PINX1: variants seen among roughly 807,000 people sequenced by gnomAD.
The protein encoded by PINX1 is PIN2 (TERF1) interacting telomerase inhibitor 1, also known as PIN2/TERF1-interacting telomerase inhibitor 1.
Under a neutral mutation model 25.4 loss-of-function variants are expected in PINX1, and 34 were observed. The observed-to-expected ratio is 1.34, with a 90% CI of 1.02 to 1.78. The LOEUF (loss-of-function observed/expected upper bound fraction) is 1.78. Among genes scored for constraint, PINX1 ranks in the 40% most tolerant of loss-of-function variants. The probability of loss-of-function intolerance (pLI) is 0.00; values close to 1 mark genes in which losing one functional copy is unlikely to be tolerated. For synonymous variants in PINX1, 197 were observed against 147.7 expected (o/e 1.33, Z -2.42); for missense variants, 592 against 404.9 (o/e 1.46, Z -3.97).
chr8:10,773,384 A>G (rs959308738), intron 6 of PINX1, among the ~76,000 whole-genome samples: 30 of 152,228 alleles, frequency 2.0e-4, no homozygotes, highest in African/African-American at 6.8e-4. Context: ...TTGAGTAGCA[A>G]AAGCCAGTAA....
intron 6 of PINX1, among the ~76,000 whole-genome samples, chr8:10,767,254 A>G (rs1254759593): frequency 6.6e-6 from 1 of 152,172 alleles, no homozygotes; most frequent in Non-Finnish European, 1.5e-5. Flanking sequence ...CAGACCCTGT[A>G]TTGTCTCGAC....
intron 6 of PINX1, among the ~76,000 whole-genome samples, chr8:10,787,271 G>C (rs1424641226): frequency 6.6e-6 from 1 of 151,904 alleles, no homozygotes; most frequent in Non-Finnish European, 1.5e-5. Context: ...TTTATCACCA[G>C]GCTGGAGAGC....
rs565699706 is a variant in PINX1, at chr8:10,799,743, G to A, written c.471+20450C>T. Among the ~76,000 whole-genome samples, 11 of 152,298 alleles carry A rather than the reference G, an allele frequency of 7.2e-5. No individual in the cohort carries two copies. The East Asian group carries it at 2.1e-3, about 29-fold the overall frequency. On this transcript the variant is annotated intron_variant, in intron 6 of 6. Transcript: ENST00000314787. ...ACGGGACATGACACAGGGCCATTAG[G>A]TAAGAGGAGCCGCTGGCAGGGGATC...
intron 6 of PINX1, among the ~76,000 whole-genome samples, chr8:10,817,115 TG>T (rs754213404): frequency 6.6e-6 from 1 of 152,190 alleles, no homozygotes; most frequent in African/African-American, 2.4e-5. Context: ...GCCAACGTTC[TG>T]GAACTCTGGA....
At chr8:10,794,277 A>C (rs1802014977) in intron 6 of PINX1, among the ~76,000 whole-genome samples, 1 of 152,254 alleles carries the variant, frequency 6.6e-6, no homozygotes, top group Admixed American at 6.5e-5. Context: ...ATTTTAAATT[A>C]CATTTAAAAC....
chr8:10,771,847 G>A (rs569203120), intron 6 of PINX1, among the ~76,000 whole-genome samples: 16 of 152,326 alleles, frequency 1.1e-4, no homozygotes, highest in African/African-American at 3.1e-4. Flanking sequence ...CCCTTGCCTC[G>A]TGATGCAAAC....
At chr8:10,790,130 T>C (rs530442594) in intron 6 of PINX1, among the ~76,000 whole-genome samples, 58 of 151,992 alleles carry the variant, frequency 3.8e-4, no homozygotes, top group Non-Finnish European at 6.9e-4. Flanking sequence ...CTCATCCCTT[T>C]CCCTTCCAGA....
intron 6 of PINX1, among the ~76,000 whole-genome samples, chr8:10,803,167 T>C (rs954126105): frequency 6.6e-6 from 1 of 152,254 alleles, no homozygotes; most frequent in Non-Finnish European, 1.5e-5. Context: ...TAACAAAGTT[T>C]GCCACATTGT....
chr8:10,781,221 A>G (rs1801575670), intron 6 of PINX1, among the ~76,000 whole-genome samples: 1 of 152,220 alleles, frequency 6.6e-6, no homozygotes, highest in Admixed American at 6.5e-5. Context: ...AAAGACCTAA[A>G]CATAAGACCT....
Position 10,765,628 on chromosome 8 carries a change from T to A in PINX1, c.760A>T (p.Ser254Cys), listed in dbSNP as rs1078543. 0.14 allele frequency: 221,678 copies of A among 1,613,042 alleles called. 18,583 individuals are homozygous for A. The highest frequency in any genetic ancestry group is 0.4 in the African/African-American group (30,163 of 74,964). Residue 254 changes from serine to cysteine, a missense_variant, in exon 7 of 7, where the codon AGC (serine) becomes TGC (cysteine). Ser to Cys is a moderately radical substitution (Grantham distance 112, BLOSUM62 -1). Transcript: ENST00000314787. ...CTGAGCTGCTCTTCTGCTGGCGCGC[T>A]CTTCTTCTTGGCCACTCGCTCCTGG... ...EAQERVAKKKSAPAEEQLRGP... is the reference protein window; with the variant it reads ...EAQERVAKKKCAPAEEQLRGP...
Position 10,839,818 on chromosome 8 carries a change from G to C in PINX1, c.-62C>G, listed in dbSNP as rs1798516806. The C allele has an allele frequency of 6.7e-7, 1 of 1,490,926 alleles. No individual in the cohort carries two copies. Among genetic ancestry groups the C allele is most frequent in the Non-Finnish European group, 9.2e-7 (1 of 1,090,468 alleles). The allele number at this position is 1,490,926 out of a possible 1,614,324, so 92.4% of individuals were successfully genotyped here. A position where few individuals can be genotyped will look rare whatever the true frequency, so the allele number is the denominator to read the frequency against. ...GGTGACTGCGGCCACTGGGCGGGCT[G>C]GAGACTCCAGGAGAATCAGGACGTG... On this transcript the variant is annotated 5_prime_UTR_variant, in exon 1 of 7. Transcript: ENST00000314787.
rs907980861 is a variant in PINX1, at chr8:10,765,227, G to A, written c.*174C>T. 35 of 583,294 alleles carry A rather than the reference G, an allele frequency of 6.0e-5. No individual in the cohort carries two copies. The highest frequency in any genetic ancestry group is 8.8e-5 in the Non-Finnish European group (30 of 341,690). 36.1% of individuals were successfully genotyped at this position (583,294 alleles called of 1,614,324 possible). ...TGAGAACATTAAAAAGGTCCTCCTG[G>A]GAATGTAACTTGGGGGAAATGTGGC... On this transcript the variant is annotated 3_prime_UTR_variant, in exon 7 of 7. Transcript: ENST00000314787.
At chr8:10,779,192 C>T (rs1389662128) in intron 6 of PINX1, among the ~76,000 whole-genome samples, 1 of 152,100 alleles carries the variant, frequency 6.6e-6, no homozygotes, top group Non-Finnish European at 1.5e-5. Context: ...AGCAGCAAGC[C>T]CTGCAGAGTC....
intron 6 of PINX1, among the ~76,000 whole-genome samples, chr8:10,794,674 T>C (rs1416823749): frequency 6.6e-6 from 1 of 152,138 alleles, no homozygotes; most frequent in Non-Finnish European, 1.5e-5. Flanking sequence ...ATCCGTCCGA[T>C]CACGAGGCTT....
At chr8:10,766,233 A>G (rs891557) in intron 6 of PINX1, among the ~76,000 whole-genome samples, 4,804 of 152,306 alleles carry the variant, frequency 0.032, 257 homozygotes, top group African/African-American at 0.11. Context: ...AATTCTGAGT[A>G]AATGTCTCCC....
chr8:10,800,004 C>T (rs1014598052), intron 6 of PINX1, among the ~76,000 whole-genome samples: 4 of 152,280 alleles, frequency 2.6e-5, no homozygotes, highest in South Asian at 2.1e-4. Flanking sequence ...AGGGCAGAGC[C>T]GAGACTGCGA....
rs146071663 is a variant in PINX1, at chr8:10,801,732, C to T, written c.471+18461G>A. On this transcript the variant is annotated intron_variant, in intron 6 of 6. Transcript: ENST00000314787. The stretch of plus-strand genomic sequence containing the variant: ...ACCTTACAGAACTACAGCAAACCAC[C>T]TCTAATGAAAAAGAATTTGTGGTAT... 1.7e-4 allele frequency among the ~76,000 whole-genome samples: 26 copies of T among 152,286 alleles called. No homozygotes were observed. In the East Asian group the frequency reaches 5.0e-3, roughly 29 times the overall value.
chr8:10,820,610 T>C (rs73208785), intron 5 of PINX1, among the ~76,000 whole-genome samples: 25,455 of 152,172 alleles, frequency 0.17, 2,547 homozygotes, highest in Non-Finnish European at 0.23. Flanking sequence ...CTCTGGGTTC[T>C]TCATTTAAAA....
chr8:10,802,763 G>A (rs939191970), intron 6 of PINX1, among the ~76,000 whole-genome samples: 2 of 152,278 alleles, frequency 1.3e-5, no homozygotes, highest in Non-Finnish European at 2.9e-5. Flanking sequence ...TGGGGGATGG[G>A]GTGCTCTGCT....
Sources: gnomAD v4.1 joint callset for allele counts (sites outside exome capture counted in the v4.1 genomes callset) on GRCh38, gnomAD v4.1.1 for gene constraint, MANE v1.5 for transcripts, NCBI Gene and HGNC (gene_info 2026-07-23, HGNC 2026-07-21) for gene names.